The following GALNT5 variants were observed in gnomAD, a reference collection of about 807,000 sequenced individuals.
The protein encoded by GALNT5 is UDP-GalNAc:polypeptide N-acetylgalactosaminyltransferase 5.
GALNT5 carries 72 observed loss-of-function variants against 85.4 expected under a neutral mutation model. The observed-to-expected ratio is 0.84, with a 90% CI of 0.70 to 1.03. GALNT5 has a LOEUF of 1.03. GALNT5 is among the 50% of genes least tolerant of loss of function. The pLI, the probability that GALNT5 is intolerant of heterozygous loss-of-function variation, is 0.00. For synonymous variants in GALNT5, 404 were observed against 397.0 expected (o/e 1.02, Z -0.21); for missense variants, 1,137 against 1,135.5 (o/e 1.00, Z -0.02).
intron 1 of GALNT5, among the ~76,000 whole-genome samples, chr2:157,264,092 C>T (rs1390107789): frequency 6.6e-6 from 1 of 151,844 alleles, no homozygotes; most frequent in African/African-American, 2.4e-5. Context: ...CATATTTAAT[C>T]TTTTTTTAAT....
rs1682219349 is a variant in GALNT5 at position 157,257,792 on chromosome 2, G to A, written c.-291G>A. On this transcript the variant is annotated 5_prime_UTR_variant, in exon 1 of 10. Coordinates refer to ENST00000259056, the MANE Select transcript of GALNT5 (RefSeq NM_014568.3). ...CAAGTGATATGTTGAACTGTTCGGTGGCTGGAATCAACTGCTCCTGGAGTG... is the reference window on the plus strand; with the variant it reads ...CAAGTGATATGTTGAACTGTTCGGTAGCTGGAATCAACTGCTCCTGGAGTG... 16 of 398,706 alleles carry A rather than the reference G, an allele frequency of 4.0e-5. No homozygotes were observed. The highest frequency in any genetic ancestry group is 4.0e-4 in the South Asian group (14 of 34,974). The allele number at this position is 398,706 out of a possible 1,614,324, so 24.7% of individuals were successfully genotyped here. A position where few individuals can be genotyped will look rare whatever the true frequency, so the allele number is the denominator to read the frequency against.
rs1683672667 is a variant in GALNT5 at position 157,315,173 on chromosome 2, A to G, written c.*3825A>G. Among the ~76,000 whole-genome samples, 1 of 152,158 alleles carries G rather than the reference A, an allele frequency of 6.6e-6. No individual in the cohort carries two copies. The highest frequency in any genetic ancestry group is 2.4e-5 in the African/African-American group (1 of 41,434). On this transcript the variant is annotated 3_prime_UTR_variant, in exon 10 of 10. Coordinates refer to ENST00000259056, the MANE Select transcript of GALNT5 (RefSeq NM_014568.3). ...ATTGGGTGATGGGAAAAAAGAAAGG[A>G]ACTAATTATCATTGAGTGTGTGTAG...
Position 157,286,135 on chromosome 2 carries a change from G to C in GALNT5, c.1741+1G>C. On this transcript the variant is annotated splice_donor_variant, in intron 3 of 9. Transcript: ENST00000259056. LOFTEE classifies it high-confidence loss of function. Reference sequence around the variant, plus strand: ...CTGGCAGGAGCACAGAATGCAACAGGTAAGAAGTTACTCATTTTTTTGTTT... The same window carrying C: ...CTGGCAGGAGCACAGAATGCAACAGCTAAGAAGTTACTCATTTTTTTGTTT... The C allele has an allele frequency of 6.2e-7, 1 of 1,606,500 alleles. No individual in the cohort carries two copies. The highest frequency in any genetic ancestry group is 8.5e-7 in the Non-Finnish European group (1 of 1,176,992).
chr2:157,308,794 T>TTCTCATTG, intron 9 of GALNT5, 66 bp downstream of exon 9: 1 of 1,291,392 alleles, frequency 7.7e-7, no homozygotes. Context: ...GGACATAAAA[T>TTCTCATTG]TCTCATTGTC....
rs181301119 is a variant in GALNT5 at position 157,263,063 on chromosome 2, A to G, written c.1454+3527A>G. 6.6e-5 allele frequency among the ~76,000 whole-genome samples: 10 copies of G among 151,578 alleles called. 1 individual carries two copies. The South Asian group carries it at 1.0e-3, about 16-fold the overall frequency. On this transcript the variant is annotated intron_variant, in intron 1 of 9. Coordinates refer to ENST00000259056, the MANE Select transcript of GALNT5 (RefSeq NM_014568.3). ...AGGATGGTCTCGATCTCCTGACCTC[A>G]TGATCTGCCCGCCTTGGCCTCCCAA...
At chr2:157,275,008 T>A (rs181617416) in intron 1 of GALNT5, among the ~76,000 whole-genome samples, 1 of 152,376 alleles carries the variant, frequency 6.6e-6, no homozygotes, top group South Asian at 2.1e-4. Context: ...AATTTTTGTA[T>A]AAAGTGTAAG....
chr2:157,286,824 AC>A (rs1479854728), intron 3 of GALNT5, among the ~76,000 whole-genome samples: 9 of 151,206 alleles, frequency 6.0e-5, no homozygotes, highest in Non-Finnish European at 1.2e-4. Context: ...TAAGTTTCAT[AC>A]TCTGCATTTG....
At chr2:157,277,864 A>T (rs892222315) in intron 1 of GALNT5, among the ~76,000 whole-genome samples, 14 of 152,166 alleles carry the variant, frequency 9.2e-5, no homozygotes, top group African/African-American at 3.1e-4. Context: ...TCCTTTCATT[A>T]TGATGTTAGC....
chr2:157,282,745 G>A (rs1449198350), intron 1 of GALNT5, among the ~76,000 whole-genome samples: 4 of 151,848 alleles, frequency 2.6e-5, no homozygotes, highest in Non-Finnish European at 4.4e-5. Context: ...AAAAAAACCA[G>A]CAGTAAAGTA....
chr2:157,305,255 T>C (rs1204112575), intron 7 of GALNT5, among the ~76,000 whole-genome samples: 1 of 152,178 alleles, frequency 6.6e-6, no homozygotes, highest in East Asian at 1.9e-4. Flanking sequence ...GCTTGGGTCA[T>C]TAAGAAGATT....
chr2:157,262,286 C>A (rs902502168), intron 1 of GALNT5, among the ~76,000 whole-genome samples: 3 of 150,382 alleles, frequency 2.0e-5, no homozygotes, highest in African/African-American at 7.3e-5. Flanking sequence ...AATAACTAGT[C>A]GGTAGTTAAC....
chr2:157,286,744 C>T (rs1263763029), intron 3 of GALNT5, among the ~76,000 whole-genome samples: 5 of 152,042 alleles, frequency 3.3e-5, no homozygotes, highest in East Asian at 1.9e-4. Context: ...ACTCGTGATC[C>T]GCCCGCCTCG....
At chr2:157,294,996 A>C (rs1427450504) in intron 3 of GALNT5, among the ~76,000 whole-genome samples, 1 of 152,050 alleles carries the variant, frequency 6.6e-6, no homozygotes, top group Non-Finnish European at 1.5e-5. Flanking sequence ...GTCTTTTTAA[A>C]AATTGTATAA....
intron 1 of GALNT5, among the ~76,000 whole-genome samples, chr2:157,268,933 T>C (rs1403037106): frequency 6.6e-6 from 1 of 152,224 alleles, no homozygotes; most frequent in Non-Finnish European, 1.5e-5. Flanking sequence ...TAGAAATATC[T>C]GGCATTCAAA....
chr2:157,291,526 T>C (rs1261837054), intron 3 of GALNT5, among the ~76,000 whole-genome samples: 2 of 152,186 alleles, frequency 1.3e-5, no homozygotes, highest in Non-Finnish European at 2.9e-5. Flanking sequence ...TAGCATTAAC[T>C]GGTACAGCAG....
rs747435075 is a variant in GALNT5 at position 157,300,962 on chromosome 2, C to T, written c.2402C>T (p.Pro801Leu). ...SFKWYLENVF[P>L]DLRAPIVRAS... ...AAATGGTACTTGGAGAATGTCTTTC[C>T]TGACTTAAGGGCTCCCATTGTGAGA... The change falls in exon 7 of 10, where the codon CCT becomes CTT. Residue 801 changes from proline to leucine, a missense_variant. Coordinates refer to ENST00000259056, the MANE Select transcript of GALNT5 (RefSeq NM_014568.3). The T allele has an allele frequency of 7.4e-6, 12 of 1,613,982 alleles. No individual in the cohort carries two copies. Among genetic ancestry groups the T allele is most frequent in the Non-Finnish European group, 1.0e-5 (12 of 1,179,920 alleles).
In GALNT5 at chr2:157,259,320, T is replaced by C; in HGVS notation, c.1238T>C (p.Leu413Pro). 6.3e-7 allele frequency: 1 copy of C among 1,581,898 alleles called. No individual in the cohort carries two copies. Residue 413 changes from leucine (L) to proline (P), a missense_variant, in exon 1 of 10, where the codon CTT becomes CCT. By Grantham distance (98) the Leu-to-Pro change is moderately conservative. Transcript: ENST00000259056. The part of the protein sequence containing the change: ...TEYNQSHIKA[L>P]LPEDSGTHQV... ...TACAACCAGAGTCATATAAAAGCCC[T>C]TTTACCTGAAGACAGTGGAACGCAC...
chr2:157,302,038 G>A (rs1435381741), intron 7 of GALNT5: 1 of 152,118 alleles, frequency 6.6e-6, no homozygotes, highest in Non-Finnish European at 1.5e-5. Flanking sequence ...CCTTCAGCTG[G>A]GGTTCTTAGA....
intron 1 of GALNT5, among the ~76,000 whole-genome samples, chr2:157,269,730 T>C (rs1241530738): frequency 6.6e-6 from 1 of 152,158 alleles, no homozygotes; most frequent in African/African-American, 2.4e-5. Flanking sequence ...CTAGCACTTT[T>C]TAGAACTTCC....
Sources: gnomAD v4.1 joint callset for allele counts (sites outside exome capture counted in the v4.1 genomes callset) on GRCh38, gnomAD v4.1.1 for gene constraint, MANE v1.5 for transcripts, NCBI Gene and HGNC (gene_info 2026-07-23, HGNC 2026-07-21) for gene names.